The following RFX3 variants were observed in gnomAD, a reference collection of about 807,000 sequenced individuals.
The protein encoded by RFX3 is regulatory factor X3, also known as transcription factor RFX3.
In RFX3, 14 loss-of-function variants were observed where a neutral mutation model predicts 98.6. The observed-to-expected ratio is 0.14, with a 90% confidence interval of 0.09 to 0.22. The LOEUF (loss-of-function observed/expected upper bound fraction) is 0.22, where lower values mean the gene tolerates loss of function less well. Ranked by LOEUF, RFX3 falls within the 10% of genes least tolerant of loss-of-function variation. RFX3 has a pLI of 1.00. For synonymous variants in RFX3, 383 were observed against 328.4 expected (o/e 1.17, Z -1.80); for missense variants, 639 against 926.9 (o/e 0.69, Z 4.03).
intron 1 of RFX3, chr9:3,524,706 G>C (rs561935067): frequency 1.3e-5 from 10 of 776,014 alleles, no homozygotes; most frequent in African/African-American, 1.9e-5. Flanking sequence ...GGGGAAGGAG[G>C]ATCATCAAAG....
chr9:3,257,417 A>G (rs936150656), intron 13 of RFX3, among the ~76,000 whole-genome samples: 2 of 152,206 alleles, frequency 1.3e-5, no homozygotes, highest in African/African-American at 4.8e-5. Context: ...TCTGGTACAC[A>G]GAAAAGTGAT....
intron 4 of RFX3, among the ~76,000 whole-genome samples, chr9:3,304,537 C>A (rs1829049551): frequency 6.6e-6 from 1 of 151,990 alleles, no homozygotes; most frequent in African/African-American, 2.4e-5. Flanking sequence ...GTAGCTCCCA[C>A]AATTCTAACA....
intron 6 of RFX3, among the ~76,000 whole-genome samples, chr9:3,291,185 C>T (rs568572578): frequency 2.0e-5 from 3 of 151,890 alleles, no homozygotes; most frequent in South Asian, 2.1e-4. Flanking sequence ...GCCAACATGG[C>T]GAAACCCCAT....
chr9:3,243,600 C>T (rs1820244676), intron 15 of RFX3, among the ~76,000 whole-genome samples: 1 of 152,110 alleles, frequency 6.6e-6, no homozygotes, highest in African/African-American at 2.4e-5. Context: ...TTCCTGCCTG[C>T]CTGCTCAAAT....
intron 1 of RFX3, among the ~76,000 whole-genome samples, chr9:3,432,364 C>G (rs895607662): frequency 6.6e-6 from 1 of 151,996 alleles, no homozygotes; most frequent in African/African-American, 2.4e-5. Flanking sequence ...AAAGGACTGT[C>G]GATACTATGG....
At chr9:3,247,903 G>A (rs749823530) in intron 15 of RFX3, 129 bp downstream of exon 15, 2 of 1,610,866 alleles carry the variant, frequency 1.2e-6, no homozygotes, top group Non-Finnish European at 1.7e-6. Flanking sequence ...TAACTCCACA[G>A]TCCCTCCTGG....
intron 1 of RFX3, among the ~76,000 whole-genome samples, chr9:3,463,244 C>T (rs979159273): frequency 6.6e-6 from 1 of 151,966 alleles, no homozygotes; most frequent in Non-Finnish European, 1.5e-5. Context: ...ACTGATTTTT[C>T]AATGAAAACG....
chr9:3,483,208 C>T (rs1029053103), intron 1 of RFX3, among the ~76,000 whole-genome samples: 1 of 152,086 alleles, frequency 6.6e-6, no homozygotes, highest in African/African-American at 2.4e-5. Flanking sequence ...AAACAGAAGA[C>T]TTTGGGAAAT....
chr9:3,380,487 C>T lies in RFX3; in HGVS notation c.117+14985G>A, dbSNP rs114064201. On this transcript the variant is annotated intron_variant, in intron 2 of 16. Transcript: ENST00000617270. ...CAGGGTTCATGGCTCATAACAGATG[C>T]TCAATCAGTATTATAAAAAGTGAAG... Among the ~76,000 whole-genome samples the T allele has an allele frequency of 3.4e-3, 520 of 152,242 alleles. 8 individuals carry two copies. The highest frequency in any genetic ancestry group is 0.012 in the African/African-American group (507 of 41,558).
At chr9:3,417,941 G>A (rs1462123767) in intron 1 of RFX3, among the ~76,000 whole-genome samples, 1 of 152,164 alleles carries the variant, frequency 6.6e-6, no homozygotes, top group Non-Finnish European at 1.5e-5. Context: ...AAATATCTGA[G>A]TTCTTTAAAT....
At chr9:3,254,109 G>A (rs1448468197) in intron 14 of RFX3, among the ~76,000 whole-genome samples, 1 of 152,056 alleles carries the variant, frequency 6.6e-6, no homozygotes, top group African/African-American at 2.4e-5. Flanking sequence ...TCAACTCAGG[G>A]AGGACAGAGG....
At chr9:3,392,869 C>G (rs1049840704) in intron 2 of RFX3, among the ~76,000 whole-genome samples, 33 of 152,110 alleles carry the variant, frequency 2.2e-4, no homozygotes, top group African/African-American at 7.2e-4. Context: ...GGAAGGTAAT[C>G]ACTGTTTACT....
intron 15 of RFX3, chr9:3,247,267 G>C: frequency 1.0e-6 from 1 of 987,128 alleles, no homozygotes; most frequent in South Asian, 4.7e-5. Context: ...TATATTCAGA[G>C]TTTAAGCTTT....
intron 15 of RFX3, among the ~76,000 whole-genome samples, chr9:3,238,942 GA>G (rs1298359964): frequency 6.6e-6 from 1 of 151,112 alleles, no homozygotes; most frequent in Non-Finnish European, 1.5e-5. Flanking sequence ...GTGTCATAGT[GA>G]GCCGAGATCA....
chr9:3,379,390 T>G (rs1303995514), intron 2 of RFX3, among the ~76,000 whole-genome samples: 1 of 152,074 alleles, frequency 6.6e-6, no homozygotes, highest in East Asian at 1.9e-4. Context: ...AATGACAGTG[T>G]GGGACCAACT....
chr9:3,229,048 A>C (rs1355187075), intron 15 of RFX3, among the ~76,000 whole-genome samples, 159 bp from the exon 16 acceptor site: 1 of 152,184 alleles, frequency 6.6e-6, no homozygotes, highest in Non-Finnish European at 1.5e-5. Flanking sequence ...TTTCCAATCA[A>C]ACTTGTCAAA....
At chr9:3,371,939 G>C (rs1837905232) in intron 2 of RFX3, among the ~76,000 whole-genome samples, 1 of 152,116 alleles carries the variant, frequency 6.6e-6, no homozygotes, top group Non-Finnish European at 1.5e-5. Flanking sequence ...CCTAATAACA[G>C]AGGTGGCTAT....
intron 8 of RFX3, 79 bp downstream of exon 8, chr9:3,277,261 T>C (rs1325508803): frequency 2.9e-5 from 43 of 1,463,596 alleles, no homozygotes; most frequent in Non-Finnish European, 3.9e-5. Flanking sequence ...TTGACATCTA[T>C]AATAGACATT....
chr9:3,272,284 T>C (rs1484369452), intron 9 of RFX3, among the ~76,000 whole-genome samples: 1 of 152,136 alleles, frequency 6.6e-6, no homozygotes, highest in South Asian at 2.1e-4. Flanking sequence ...CAAAGATCTA[T>C]AAAATTCGTG....
Sources: allele counts gnomAD v4.1 joint callset (sites outside exome capture counted in the v4.1 genomes callset), GRCh38; gene constraint gnomAD v4.1.1; transcripts MANE v1.5; gene names NCBI Gene and HGNC (gene_info 2026-07-23, HGNC 2026-07-21).